The following KIAA1217 variants were observed in gnomAD, a reference collection of about 807,000 sequenced individuals.
The protein encoded by KIAA1217 is sickle tail protein homolog.
In KIAA1217, 88 loss-of-function variants were observed where a neutral mutation model predicts 163.9. That is an observed-to-expected ratio of 0.54 (90% CI 0.45 to 0.64). KIAA1217 has a LOEUF of 0.64. Ranked by LOEUF, KIAA1217 falls within the 30% of genes least tolerant of loss-of-function variation. The pLI is 0.00. For synonymous variants in KIAA1217, 903 were observed against 923.1 expected (o/e 0.98, Z 0.39); for missense variants, 2,372 against 2,475.0 (o/e 0.96, Z 0.88).
intron 2 of KIAA1217, among the ~76,000 whole-genome samples, chr10:24,225,199 C>T (rs952271356): frequency 1.3e-5 from 2 of 152,110 alleles, no homozygotes; most frequent in African/African-American, 4.8e-5. Flanking sequence ...GATCACAGCT[C>T]ACTGCAGCCT....
At chr10:24,035,394 C>A (rs759467630) in intron 2 of KIAA1217, among the ~76,000 whole-genome samples, 3 of 152,058 alleles carry the variant, frequency 2.0e-5, no homozygotes, top group Non-Finnish European at 4.4e-5. Flanking sequence ...TCTTGGGGTA[C>A]CTGATGCCTT....
intron 1 of KIAA1217, among the ~76,000 whole-genome samples, chr10:23,789,526 A>G (rs1338949732): frequency 2.0e-5 from 3 of 152,156 alleles, no homozygotes; most frequent in Non-Finnish European, 2.9e-5. Flanking sequence ...ATGGGATGAT[A>G]ATGGAATCCA....
intron 2 of KIAA1217, among the ~76,000 whole-genome samples, chr10:24,044,878 GCC>G (rs1383633424): frequency 6.6e-6 from 1 of 151,838 alleles, no homozygotes; most frequent in Non-Finnish European, 1.5e-5. Context: ...GTCATAGAAC[GCC>G]CCTTTTTTTC....
intron 2 of KIAA1217, among the ~76,000 whole-genome samples, chr10:24,308,240 C>T (rs1263146912): frequency 2.0e-5 from 3 of 152,144 alleles, no homozygotes; most frequent in Non-Finnish European, 1.5e-5. Flanking sequence ...ACTGATAGCA[C>T]ATGTGTTTCA....
intron 2 of KIAA1217, among the ~76,000 whole-genome samples, chr10:24,238,123 G>C (rs1171017799): frequency 6.6e-6 from 1 of 152,216 alleles, no homozygotes; most frequent in Non-Finnish European, 1.5e-5. Context: ...TCCGTGGCAA[G>C]TTAACAGCAG....
At chr10:24,271,075 A>G (rs1277570198) in intron 2 of KIAA1217, among the ~76,000 whole-genome samples, 1 of 152,142 alleles carries the variant, frequency 6.6e-6, no homozygotes, top group Admixed American at 6.5e-5. Flanking sequence ...CATATTCTTA[A>G]TTTGTCTATA....
chr10:23,947,252 T>G (rs1329246676), intron 1 of KIAA1217, among the ~76,000 whole-genome samples: 1 of 152,190 alleles, frequency 6.6e-6, no homozygotes, highest in Non-Finnish European at 1.5e-5. Flanking sequence ...TGAGAATGAA[T>G]TCATTCATCT....
intron 2 of KIAA1217, among the ~76,000 whole-genome samples, chr10:24,230,835 ATAGT>A (rs760430034): frequency 9.9e-5 from 15 of 152,120 alleles, no homozygotes; most frequent in Non-Finnish European, 7.4e-5. Flanking sequence ...ACTATTAACT[ATAGT>A]TAACAGAATG....
intron 2 of KIAA1217, among the ~76,000 whole-genome samples, chr10:24,040,859 T>A (rs1463481925): frequency 6.6e-6 from 1 of 152,230 alleles, no homozygotes; most frequent in Non-Finnish European, 1.5e-5. Flanking sequence ...AGTGCTACCA[T>A]GTGCCCGACA....
chr10:24,181,618 G>A (rs1404857509), intron 2 of KIAA1217, among the ~76,000 whole-genome samples: 3 of 152,186 alleles, frequency 2.0e-5, no homozygotes, highest in Non-Finnish European at 2.9e-5. Flanking sequence ...TTCAGTTCTA[G>A]AAGGTAACAA....
intron 1 of KIAA1217, among the ~76,000 whole-genome samples, chr10:23,908,504 T>C (rs1181544198): frequency 2.0e-5 from 3 of 152,060 alleles, no homozygotes; most frequent in Non-Finnish European, 4.4e-5. Context: ...CATGCCCAGA[T>C]ACAACCCTCA....
chr10:24,306,241 A>G (rs1379899199), intron 2 of KIAA1217, among the ~76,000 whole-genome samples: 1 of 152,228 alleles, frequency 6.6e-6, no homozygotes, highest in African/African-American at 2.4e-5. Flanking sequence ...CAACTTGGAA[A>G]TCAGTCATCA....
chr10:23,954,638 G>T (rs530795554), intron 1 of KIAA1217, among the ~76,000 whole-genome samples: 1 of 151,368 alleles, frequency 6.6e-6, no homozygotes, highest in Non-Finnish European at 1.5e-5. Flanking sequence ...AAGGAGGGAG[G>T]GAGGGAGAGA....
intron 2 of KIAA1217, among the ~76,000 whole-genome samples, chr10:24,349,094 C>T (rs1423549994): frequency 6.8e-6 from 1 of 146,920 alleles, no homozygotes; most frequent in East Asian, 2.0e-4. Flanking sequence ...TGTCATGCCT[C>T]TGCACCCCAG....
chr10:24,292,585 G>A (rs1371591429), intron 2 of KIAA1217, among the ~76,000 whole-genome samples: 1 of 152,176 alleles, frequency 6.6e-6, no homozygotes, highest in Non-Finnish European at 1.5e-5. Flanking sequence ...AAAAGTGGCA[G>A]AATTTGTCCC....
chr10:24,246,709 C>T (rs1454730160), intron 2 of KIAA1217, among the ~76,000 whole-genome samples: 3 of 152,094 alleles, frequency 2.0e-5, no homozygotes, highest in Non-Finnish European at 4.4e-5. Flanking sequence ...AACTGTTAAC[C>T]GTGAACATGT....
intron 2 of KIAA1217, among the ~76,000 whole-genome samples, chr10:24,323,835 G>A (rs2044501686): frequency 6.8e-6 from 1 of 148,080 alleles, no homozygotes; most frequent in South Asian, 2.1e-4. Context: ...GTGTGTGTTT[G>A]ACTAACTTAG....
At chr10:23,969,842 CT>C (rs1201522519) in intron 1 of KIAA1217, among the ~76,000 whole-genome samples, 8 of 152,122 alleles carry the variant, frequency 5.3e-5, no homozygotes, top group Non-Finnish European at 1.0e-4. Context: ...ATACCTGAGA[CT>C]GGGTGGTTTA....
chr10:24,197,576 A>G lies in KIAA1217; in HGVS notation c.-170-22050A>G, dbSNP rs984223508. Among the ~76,000 whole-genome samples, 7 of 152,376 alleles carry G rather than the reference A, an allele frequency of 4.6e-5. No individual in the cohort carries two copies. In the East Asian group the frequency reaches 1.2e-3, roughly 25 times the overall value. On this transcript the variant is annotated intron_variant, in intron 2 of 18. Coordinates refer to the KIAA1217 transcript ENST00000376462. Reference sequence around the variant, plus strand: ...CTGAGTTTGTTCAGCAGTCTGGAGCATCTCCCAACTTCCACTACCCTATGT... The same window carrying G: ...CTGAGTTTGTTCAGCAGTCTGGAGCGTCTCCCAACTTCCACTACCCTATGT...
Sources: allele counts gnomAD v4.1 joint callset (sites outside exome capture counted in the v4.1 genomes callset), GRCh38; gene constraint gnomAD v4.1.1; transcripts MANE v1.5; gene names NCBI Gene and HGNC (gene_info 2026-07-23, HGNC 2026-07-21).